The following FBXL20 variants were observed in gnomAD, a reference collection of about 807,000 sequenced individuals.
The protein encoded by FBXL20 is F-box and leucine rich repeat protein 20.
FBXL20 carries 11 observed loss-of-function variants against 64.0 expected under a neutral mutation model. The ratio of observed to expected loss-of-function variants is 0.17; its 90% CI spans 0.11 to 0.28. FBXL20 has a LOEUF of 0.28. Ranked by LOEUF, FBXL20 falls within the 10% of genes least tolerant of loss-of-function variation. The probability of loss-of-function intolerance (pLI) is 1.00; values close to 1 mark genes in which losing one functional copy is unlikely to be tolerated. For missense variants in FBXL20, 303 were observed against 526.2 expected, an observed-to-expected ratio of 0.58 and a Z score of 4.15; for synonymous variants, 184 against 189.0, an observed-to-expected ratio of 0.97 and a Z score of 0.22.
At chr17:39,395,066 GCAT>G (rs2048169770) in intron 1 of FBXL20, among the ~76,000 whole-genome samples, 1 of 152,164 alleles carries the variant, frequency 6.6e-6, no homozygotes, top group Non-Finnish European at 1.5e-5. Context: ...GGATTAAAAA[GCAT>G]CATCAACACT....
intron 3 of FBXL20, among the ~76,000 whole-genome samples, chr17:39,301,780 C>T (rs958175891): frequency 6.6e-6 from 1 of 151,972 alleles, no homozygotes; most frequent in African/African-American, 2.4e-5. Context: ...AACTGTAGTC[C>T]CAGCTATTCG....
intron 9 of FBXL20, among the ~76,000 whole-genome samples, chr17:39,276,221 G>GAAAAAA (rs1215336803): frequency 5.6e-3 from 337 of 60,424 alleles, no homozygotes; most frequent in African/African-American, 0.015. Flanking sequence ...AGCAAGAAAA[G>GAAAAAA]AAAAAAAAAA....
intron 2 of FBXL20, among the ~76,000 whole-genome samples, chr17:39,319,030 C>T (rs369552459): frequency 7.9e-5 from 12 of 152,122 alleles, no homozygotes; most frequent in East Asian, 5.8e-4. Flanking sequence ...GCAGGCAAAT[C>T]ACGTGGTCAG....
chr17:39,317,686 TTTGTTTTTTTTTTTG>T (rs2047307926), intron 2 of FBXL20, among the ~76,000 whole-genome samples: 5 of 65,410 alleles, frequency 7.6e-5, no homozygotes, highest in African/African-American at 5.4e-4. Flanking sequence ...TGTTTTTTTT[TTTGTTTTTTTTTTTG>T]TTTTTTTTTT....
chr17:39,276,090 T>C (rs1303715717), intron 9 of FBXL20, among the ~76,000 whole-genome samples: 5 of 150,354 alleles, frequency 3.3e-5, no homozygotes, highest in South Asian at 2.1e-4. Context: ...CTACTAAAAA[T>C]ACAAAAATTA....
At chr17:39,344,908 T>C (rs2047618285) in intron 1 of FBXL20, among the ~76,000 whole-genome samples, 1 of 152,198 alleles carries the variant, frequency 6.6e-6, no homozygotes, top group South Asian at 2.1e-4. Flanking sequence ...CTTGATGCAC[T>C]CAAGTGATCA....
At chr17:39,267,565 C>T (rs1318297175) in intron 12 of FBXL20, among the ~76,000 whole-genome samples, 3 of 152,186 alleles carry the variant, frequency 2.0e-5, no homozygotes, top group Non-Finnish European at 4.4e-5. Flanking sequence ...TACTCAGTAT[C>T]GATAACTTGG....
At chr17:39,292,849 G>A (rs2047052288) in intron 6 of FBXL20, among the ~76,000 whole-genome samples, 1 of 149,018 alleles carries the variant, frequency 6.7e-6, no homozygotes, top group African/African-American at 2.5e-5. Flanking sequence ...GGAGTGCAAT[G>A]GCGTGATCTC....
intron 2 of FBXL20, among the ~76,000 whole-genome samples, chr17:39,338,575 A>AT (rs2047551769): frequency 6.6e-6 from 1 of 152,224 alleles, no homozygotes; most frequent in Non-Finnish European, 1.5e-5. Flanking sequence ...GTCACAATGT[A>AT]TAATGTAGTC....
chr17:39,325,372 A>C (rs543379107), intron 2 of FBXL20, among the ~76,000 whole-genome samples: 2 of 152,282 alleles, frequency 1.3e-5, no homozygotes, highest in African/African-American at 4.8e-5. Flanking sequence ...AAATAATCAA[A>C]CATAAAATTG....
chr17:39,334,486 A>AAAAAAAAAATTCG (rs1165235640), intron 2 of FBXL20, among the ~76,000 whole-genome samples: 3 of 150,068 alleles, frequency 2.0e-5, no homozygotes, highest in Non-Finnish European at 4.4e-5. Flanking sequence ...AAAAATTAAA[A>AAAAAAAAAATTCG]AAAAAAAAAT....
At chr17:39,279,794 A>AG (rs1432028178) in intron 9 of FBXL20, among the ~76,000 whole-genome samples, 1 of 152,150 alleles carries the variant, frequency 6.6e-6, no homozygotes, top group Non-Finnish European at 1.5e-5. Flanking sequence ...ACTACTAGGG[A>AG]GGCTGAGGTG....
intron 2 of FBXL20, among the ~76,000 whole-genome samples, chr17:39,337,098 G>C (rs1279656681): frequency 6.6e-6 from 1 of 151,848 alleles, no homozygotes; most frequent in Non-Finnish European, 1.5e-5. Context: ...TGATTCTCCT[G>C]CCTCAGCCTG....
chr17:39,264,840 T>C (rs1007402921), intron 13 of FBXL20, among the ~76,000 whole-genome samples: 5 of 152,194 alleles, frequency 3.3e-5, no homozygotes, highest in Non-Finnish European at 7.3e-5. Context: ...TCTCATCATC[T>C]CTTCATCAAT....
chr17:39,302,617 C>T (rs2047147703), intron 3 of FBXL20, among the ~76,000 whole-genome samples: 1 of 152,154 alleles, frequency 6.6e-6, no homozygotes, highest in African/African-American at 2.4e-5. Flanking sequence ...TCATGATCTG[C>T]CCGCCTGGGC....
intron 1 of FBXL20, among the ~76,000 whole-genome samples, chr17:39,378,610 T>A (rs962322151): frequency 6.6e-6 from 1 of 151,808 alleles, no homozygotes; most frequent in Non-Finnish European, 1.5e-5. Context: ...CTAGAATGGC[T>A]ATAATTTTTT....
Position 39,256,598 on chromosome 17 carries a change from TGAG to T in FBXL20, c.*4859_*4861del, listed in dbSNP as rs2046697729. The T allele has an allele frequency of 1.3e-5, 2 of 152,170 alleles. No homozygotes were observed. The highest frequency in any genetic ancestry group is 4.1e-4 in the South Asian group (2 of 4,822). The allele number at this position is 152,170 out of a possible 1,614,324, so 9.4% of individuals were successfully genotyped here. ...ATGCTTCAGAGCTCAAACATATGAT[TGAG>T]AAAGTCTGTCAGCCAGGAGATACAA... On this transcript the variant is annotated 3_prime_UTR_variant, in exon 15 of 15. Transcript: ENST00000264658.
intron 13 of FBXL20, among the ~76,000 whole-genome samples, chr17:39,264,816 G>T (rs2046777641): frequency 6.6e-6 from 1 of 152,270 alleles, no homozygotes; most frequent in Middle Eastern, 3.4e-3. Context: ...TTTTACAGCT[G>T]TCAGGTGTGA....
chr17:39,392,753 C>T (rs140189904), intron 1 of FBXL20, among the ~76,000 whole-genome samples: 64 of 152,276 alleles, frequency 4.2e-4, no homozygotes, highest in African/African-American at 1.5e-3. Flanking sequence ...CGGCTCACCC[C>T]TGTAATCCCA....
Sources: gnomAD v4.1 joint callset for allele counts (sites outside exome capture counted in the v4.1 genomes callset) on GRCh38, gnomAD v4.1.1 for gene constraint, MANE v1.5 for transcripts, NCBI Gene and HGNC (gene_info 2026-07-23, HGNC 2026-07-21) for gene names.